MPDZ: variants seen among roughly 807,000 people sequenced by gnomAD.
MPDZ encodes multiple PDZ domain crumbs cell polarity complex component, also known as multiple PDZ domain protein.
In MPDZ, 234 loss-of-function variants were observed where a neutral mutation model predicts 239.1. The ratio of observed to expected loss-of-function variants is 0.98; its 90% CI spans 0.88 to 1.09. The LOEUF is 1.09. MPDZ is among the 50% of genes least tolerant of loss of function. The pLI is 0.00. For missense variants in MPDZ, 3,175 were observed against 2,510.0 expected (o/e 1.26, Z -5.66); for synonymous variants, 1,048 against 881.3 (o/e 1.19, Z -3.35).
At chr9:13,112,806 A>G (rs2131195035) in intron 42 of MPDZ, among the ~76,000 whole-genome samples, 1 of 152,340 alleles carries the variant, frequency 6.6e-6, no homozygotes, top group South Asian at 2.1e-4. Context: ...AGCAAAACAG[A>G]GCATGCAAAC....
chr9:13,118,738 T>C (rs971339762), intron 39 of MPDZ, among the ~76,000 whole-genome samples: 2 of 152,254 alleles, frequency 1.3e-5, no homozygotes, highest in African/African-American at 4.8e-5. Flanking sequence ...AATTATATTG[T>C]CAAATGACTT....
rs754806935 is a variant in MPDZ at position 13,257,554 on chromosome 9, CAGA to C, written c.-57-7185_-57-7183del. On this transcript the variant is annotated intron_variant, in intron 1 of 46. Transcript: ENST00000319217. ...AGGTATTAAGTTGCTACACTTTGTACAGAAGAAGAGGAGGGTAATTGCTTAGGT... is the reference window on the plus strand; with the variant it reads ...AGGTATTAAGTTGCTACACTTTGTACAGAAGAGGAGGGTAATTGCTTAGGT... Among the ~76,000 whole-genome samples the C allele has an allele frequency of 5.0e-4, 76 of 152,224 alleles. 1 individual carries two copies. Among genetic ancestry groups the C allele is most frequent in the Admixed American group, 1.2e-3 (18 of 15,296 alleles).
chr9:13,140,159 C>CA lies in MPDZ; in HGVS notation c.3841-11dup. ...CTGACTGACTGGGTGCCTGTGGGAA[C>CA]AAAAAGAATGCAGTGGGTTTGTACA... On this transcript the variant is annotated splice_polypyrimidine_tract_variant and intron_variant, in intron 27 of 46. Coordinates refer to ENST00000319217, the MANE Select transcript of MPDZ (RefSeq NM_001378778.1). 6.2e-7 allele frequency: 1 copy of CA among 1,610,892 alleles called. No individual in the cohort carries two copies. The highest frequency in any genetic ancestry group is 8.5e-7 in the Non-Finnish European group (1 of 1,178,514).
chr9:13,264,656 T>A (rs572659133), intron 1 of MPDZ, among the ~76,000 whole-genome samples: 111 of 132,808 alleles, frequency 8.4e-4, no homozygotes, highest in Non-Finnish European at 1.1e-3. Context: ...ACCCATAATT[T>A]AAAAAAAAAA....
chr9:13,248,760 G>A lies in MPDZ; in HGVS notation c.17-959C>T, dbSNP rs146636708. ...AGGCGGGTGGATTACTTGAGCTCAG[G>A]AGTTTGAGACCAGCCTGGCCAACAT... On this transcript the variant is annotated intron_variant, in intron 2 of 46. Transcript: ENST00000319217. Among the ~76,000 whole-genome samples the A allele has an allele frequency of 1.8e-3, 268 of 151,332 alleles. 1 individual carries two copies. The highest frequency in any genetic ancestry group is 6.1e-3 in the African/African-American group (253 of 41,270).
At chr9:13,254,930 T>C (rs559659646) in intron 1 of MPDZ, among the ~76,000 whole-genome samples, 1 of 152,138 alleles carries the variant, frequency 6.6e-6, no homozygotes, top group Non-Finnish European at 1.5e-5. Flanking sequence ...TTTCTGAAAA[T>C]AAGACAACAA....
At chr9:13,162,599 T>G (rs1950610165) in intron 23 of MPDZ, 92 bp downstream of exon 23, 4 of 641,582 alleles carry the variant, frequency 6.2e-6, no homozygotes, top group Non-Finnish European at 9.9e-6. Context: ...GATTCAGACC[T>G]TTTCTTTGCT....
intron 19 of MPDZ, among the ~76,000 whole-genome samples, chr9:13,179,556 C>G (rs1952996777): frequency 6.6e-6 from 1 of 152,080 alleles, no homozygotes; most frequent in Non-Finnish European, 1.5e-5. Flanking sequence ...CAACAACCAA[C>G]TCAGTTTTAT....
chr9:13,167,485 T>C (rs1275238702), intron 22 of MPDZ, among the ~76,000 whole-genome samples: 2 of 152,126 alleles, frequency 1.3e-5, no homozygotes, highest in African/African-American at 4.8e-5. Context: ...ACCTAAGCCC[T>C]AGCAATACAT....
intron 3 of MPDZ, among the ~76,000 whole-genome samples, chr9:13,230,079 A>G (rs1961928037): frequency 6.6e-6 from 1 of 152,172 alleles, no homozygotes; most frequent in Non-Finnish European, 1.5e-5. Flanking sequence ...AAATAAGTAC[A>G]TAAAAGAAAT....
In MPDZ at chr9:13,252,598, T is replaced by C. The variant is rs571143255; in HGVS notation, c.-57-2226A>G. ...AAAAAAAAAAAAATCGGGCTGGGCA[T>C]GGTGGCTCATGCCTGTAATCCCAGC... On this transcript the variant is annotated intron_variant, in intron 1 of 46. Coordinates refer to ENST00000319217, the MANE Select transcript of MPDZ (RefSeq NM_001378778.1). Among the ~76,000 whole-genome samples, 4 of 143,460 alleles carry C rather than the reference T, an allele frequency of 2.8e-5. No individual in the cohort carries two copies. The East Asian group carries it at 6.2e-4, about 22-fold the overall frequency. 94.1% of individuals were successfully genotyped at this position (143,460 alleles called of 152,430 possible). A position where few individuals can be genotyped will look rare whatever the true frequency, so the allele number is the denominator to read the frequency against.
intron 24 of MPDZ, among the ~76,000 whole-genome samples, chr9:13,154,533 G>T (rs1455254700): frequency 2.6e-5 from 4 of 151,986 alleles, no homozygotes; most frequent in Non-Finnish European, 5.9e-5. Flanking sequence ...TTCCTCAGCT[G>T]TGAAATACAG....
At position 13,134,057 on chromosome 9, in the gene MPDZ, CATTT is replaced by C. The variant is rs1291143172; in HGVS notation, c.4384-157_4384-154del. 1.4e-5 allele frequency: 4 copies of C among 293,680 alleles called. No individual in the cohort carries two copies. The East Asian group carries it at 1.8e-4, about 13-fold the overall frequency. 18.2% of individuals were successfully genotyped at this position (293,680 alleles called of 1,614,324 possible). A position where few individuals can be genotyped will look rare whatever the true frequency, so the allele number is the denominator to read the frequency against. ...TTAATACACTATTGCTATTTTAATA[CATTT>C]ATTTATTATAATACATTTTTGCTAT... On this transcript the variant is annotated intron_variant, in intron 31 of 46. Coordinates refer to ENST00000319217, the MANE Select transcript of MPDZ (RefSeq NM_001378778.1).
chr9:13,165,341 T>G (rs1472721271), intron 22 of MPDZ: 3 of 1,547,776 alleles, frequency 1.9e-6, no homozygotes, highest in African/African-American at 2.7e-5. Flanking sequence ...ACAGCCATAA[T>G]GAGCTTTCGA....
intron 40 of MPDZ, among the ~76,000 whole-genome samples, chr9:13,114,234 T>G (rs541428747): frequency 6.6e-6 from 1 of 152,288 alleles, no homozygotes; most frequent in Non-Finnish European, 1.5e-5. Flanking sequence ...GCTAAAAGGG[T>G]AGATGAAATT....
In MPDZ at chr9:13,247,384, G is replaced by C. The variant is rs149246049; in HGVS notation, c.183+251C>G. 6.6e-5 allele frequency among the ~76,000 whole-genome samples: 10 copies of C among 152,222 alleles called. No individual in the cohort carries two copies. The East Asian group carries it at 1.7e-3, about 26-fold the overall frequency. On this transcript the variant is annotated intron_variant, in intron 3 of 46. Coordinates refer to ENST00000319217, the MANE Select transcript of MPDZ (RefSeq NM_001378778.1). ...ATTTTTATCATCCGTTTTTCCTGTA[G>C]AAACTCATTCTTCAGCATCCACACA... is the stretch of plus-strand genomic sequence containing the variant.
At chr9:13,151,708 G>C (rs1312526307) in intron 24 of MPDZ, among the ~76,000 whole-genome samples, 1 of 152,060 alleles carries the variant, frequency 6.6e-6, no homozygotes, top group African/African-American at 2.4e-5. Flanking sequence ...AAGTTCTGTA[G>C]CTAGACGGTG....
intron 25 of MPDZ, among the ~76,000 whole-genome samples, chr9:13,148,894 G>T (rs527243740): frequency 1.1e-4 from 16 of 151,258 alleles, no homozygotes; most frequent in Admixed American, 2.0e-4. Flanking sequence ...GCACAAAAAA[G>T]TTCTTTCTTT....
chr9:13,200,848 G>A (rs1286291709), intron 12 of MPDZ, among the ~76,000 whole-genome samples: 2 of 151,980 alleles, frequency 1.3e-5, no homozygotes, highest in Non-Finnish European at 2.9e-5. Flanking sequence ...CTAGCCTGGA[G>A]TATGTTCCAT....
Sources: allele counts gnomAD v4.1 joint callset (sites outside exome capture counted in the v4.1 genomes callset), GRCh38; gene constraint gnomAD v4.1.1; transcripts MANE v1.5; gene names NCBI Gene and HGNC (gene_info 2026-07-23, HGNC 2026-07-21).